ADD3: variants seen among roughly 807,000 people sequenced by gnomAD.
ADD3 encodes adducin 3.
In ADD3, 25 loss-of-function variants were observed where a neutral mutation model predicts 80.2. That is an observed-to-expected ratio of 0.31 (90% CI 0.23 to 0.44). The LOEUF is 0.44. Among genes scored for constraint, ADD3 ranks in the 20% least tolerant of loss-of-function variants. The pLI is 1.00. For missense variants in ADD3, 829 were observed against 847.5 expected, an observed-to-expected ratio of 0.98 and a Z score of 0.27; for synonymous variants, 284 against 289.6, an observed-to-expected ratio of 0.98 and a Z score of 0.20.
rs542577927 is a variant in ADD3 at position 110,109,177 on chromosome 10, A to G, written c.196-3600A>G. 2.6e-5 allele frequency among the ~76,000 whole-genome samples: 4 copies of G among 151,912 alleles called. No homozygotes were observed. The South Asian group carries it at 8.3e-4, about 32-fold the overall frequency. On this transcript the variant is annotated intron_variant, in intron 2 of 14. Transcript: ENST00000356080. ...AACTTTCTCATCCCACCCAGCAGAA[A>G]TTTCTCACCAGTTTAATAAATTGTG...
intron 1 of ADD3, chr10:110,075,566 A>AT (rs1391066494): frequency 1.3e-5 from 2 of 152,178 alleles, no homozygotes; most frequent in Non-Finnish European, 2.9e-5. Context: ...GATGGAATTA[A>AT]TTGCTGATAT....
intron 1 of ADD3, among the ~76,000 whole-genome samples, chr10:110,074,788 G>A (rs1040916777): frequency 6.6e-6 from 1 of 152,116 alleles, no homozygotes; most frequent in Non-Finnish European, 1.5e-5. Flanking sequence ...AGGAGAGAAG[G>A]GGGATAGCAT....
intron 1 of ADD3, among the ~76,000 whole-genome samples, chr10:110,065,442 A>G (rs1030227804): frequency 2.1e-5 from 3 of 143,050 alleles, no homozygotes; most frequent in Non-Finnish European, 4.5e-5. Context: ...GAACTTTGGT[A>G]TGTTGGACTT....
At chr10:110,051,049 T>C (rs550080904) in intron 1 of ADD3, among the ~76,000 whole-genome samples, 2 of 152,290 alleles carry the variant, frequency 1.3e-5, no homozygotes, top group South Asian at 4.1e-4. Flanking sequence ...GCCAGCACCA[T>C]TCAAGGGGGA....
At chr10:110,047,187 T>C (rs1856996801) in intron 1 of ADD3, among the ~76,000 whole-genome samples, 2 of 152,208 alleles carry the variant, frequency 1.3e-5, no homozygotes, top group Admixed American at 1.3e-4. Context: ...AGGGCAGTTG[T>C]AAAAGTCATG....
intron 1 of ADD3, among the ~76,000 whole-genome samples, chr10:110,073,804 C>G (rs1845059317): frequency 6.6e-6 from 1 of 152,142 alleles, no homozygotes; most frequent in South Asian, 2.1e-4. Flanking sequence ...AAGCTCTGTG[C>G]TATCTGTTGG....
At chr10:110,025,414 C>T (rs916170337) in intron 1 of ADD3, among the ~76,000 whole-genome samples, 1 of 151,920 alleles carries the variant, frequency 6.6e-6, no homozygotes, top group Admixed American at 6.6e-5. Flanking sequence ...CCAACTTCTG[C>T]CTCCATGGTT....
At chr10:110,129,805 C>A (rs1852702615) in intron 12 of ADD3, among the ~76,000 whole-genome samples, 1 of 152,004 alleles carries the variant, frequency 6.6e-6, no homozygotes, top group East Asian at 1.9e-4. Flanking sequence ...TTCTTTTGTC[C>A]TTAAGGGTGT....
chr10:110,073,266 CCGAGT>C (rs1844996851), intron 1 of ADD3, among the ~76,000 whole-genome samples: 2 of 151,620 alleles, frequency 1.3e-5, no homozygotes, highest in African/African-American at 4.9e-5. Context: ...CCTCAGCCTC[CCGAGT>C]AGCTGGGACT....
At chr10:110,008,373 G>C (rs1434987963) in intron 1 of ADD3, 74 bp downstream of exon 1, 1 of 152,598 alleles carries the variant, frequency 6.6e-6, no homozygotes, top group Non-Finnish European at 1.5e-5. Flanking sequence ...CCGCGCGGGG[G>C]CTAGCACTGG....
intron 1 of ADD3, among the ~76,000 whole-genome samples, chr10:110,070,255 A>G (rs561070368): frequency 1.3e-5 from 2 of 152,152 alleles, no homozygotes; most frequent in Non-Finnish European, 2.9e-5. Context: ...CCCTGCCCCA[A>G]CCCACTAAAT....
chr10:110,116,178 C>A, intron 3 of ADD3, 81 bp from the exon 4 acceptor site: 2 of 1,404,614 alleles, frequency 1.4e-6, no homozygotes, highest in Non-Finnish European at 2.0e-6. Context: ...TACTCCCAGA[C>A]GCAGGCTACT....
chr10:110,122,322 A>G (rs528387515), intron 9 of ADD3, 30 bp downstream of exon 9: 2 of 1,599,570 alleles, frequency 1.3e-6, no homozygotes, highest in Admixed American at 1.7e-5. Context: ...TAAAACTTGG[A>G]TTTAATGTCT....
intron 1 of ADD3, among the ~76,000 whole-genome samples, chr10:110,046,848 A>G (rs1345238755): frequency 1.3e-5 from 2 of 152,322 alleles, no homozygotes; most frequent in Middle Eastern, 3.4e-3. Flanking sequence ...ATTTGGTTTG[A>G]AATTGAAAAA....
At position 110,118,719 on chromosome 10, in the gene ADD3, A is replaced by T; in HGVS notation, c.700A>T (p.Thr234Ser). ...TGTTAAGTGTGTGATACACATCCAT[A>T]CCCTTGCAACAGCAGCTGTAAGTCA... ...PDVKCVIHIH[T>S]LATAAVSSMK... Residue 234 changes from threonine (T) to serine (S), a missense_variant, in exon 6 of 15, where the codon ACC becomes TCC. Physicochemically the swap from Thr to Ser is moderately conservative, Grantham distance 58. Coordinates refer to ENST00000356080, the MANE Select transcript of ADD3 (RefSeq NM_016824.5). 6.2e-7 allele frequency: 1 copy of T among 1,613,974 alleles called. No individual in the cohort carries two copies. Among genetic ancestry groups the T allele is most frequent in the Non-Finnish European group, 8.5e-7 (1 of 1,179,892 alleles).
At chr10:110,050,506 C>CTTT (rs59897959) in intron 1 of ADD3, among the ~76,000 whole-genome samples, 30 of 129,436 alleles carry the variant, frequency 2.3e-4, no homozygotes, top group South Asian at 2.3e-3. Context: ...CATTAAACCT[C>CTTT]TTTTTTTTTT....
intron 2 of ADD3, 90 bp from the exon 3 acceptor site, chr10:110,112,687 A>G: frequency 7.0e-7 from 1 of 1,431,840 alleles, no homozygotes; most frequent in Non-Finnish European, 9.4e-7. Flanking sequence ...TATTCAGAAA[A>G]GGGATGGGGT....
In ADD3 at chr10:110,118,597, A is replaced by G. The variant is rs573447776; in HGVS notation, c.578A>G (p.Asn193Ser). ...TCTGATTTTTTCCAGGTGAAAGTCA[A>G]TATAATAGGAGAAGTGGTTGACCAG... ...EATASNLVKV[N>S]IIGEVVDQGS... is the part of the protein sequence containing the mutation. The change falls in exon 6 of 15, where the codon AAT becomes AGT. Residue 193 changes from asparagine (N) to serine (S), a missense_variant. Transcript: ENST00000356080. The G allele has an allele frequency of 5.0e-6, 8 of 1,613,936 alleles. No individual in the cohort carries two copies. The South Asian group carries it at 7.7e-5, about 16-fold the overall frequency.
At chr10:110,005,071 A>T (rs1564824856), upstream of ADD3, among the ~76,000 whole-genome samples, 1 of 151,036 alleles carries the variant, frequency 6.6e-6, no homozygotes, top group Non-Finnish European at 1.5e-5. Context: ...ATTTTATTTT[A>T]TTTTTTTTTG....
Sources: allele counts gnomAD v4.1 joint callset (sites outside exome capture counted in the v4.1 genomes callset), GRCh38; gene constraint gnomAD v4.1.1; transcripts MANE v1.5; gene names NCBI Gene and HGNC (gene_info 2026-07-23, HGNC 2026-07-21).